Variants in RANBP2 observed in about 807,000 individuals in gnomAD.
The protein encoded by RANBP2 is E3 SUMO-protein ligase RanBP2.
Under a neutral mutation model 303.6 loss-of-function variants are expected in RANBP2, and 57 were observed. That is an observed-to-expected ratio of 0.19 (90% CI 0.15 to 0.23). RANBP2 has a LOEUF of 0.23. Ranked by LOEUF, RANBP2 falls within the 10% of genes least tolerant of loss-of-function variation. The probability of loss-of-function intolerance (pLI) is 1.00; values close to 1 mark genes in which losing one functional copy is unlikely to be tolerated. For synonymous variants in RANBP2, 1,167 were observed against 1,301.5 expected (o/e 0.90, Z 2.23); for missense variants, 3,138 against 3,780.8 (o/e 0.83, Z 4.46).
the RANBP2 span, among the ~76,000 whole-genome samples, chr2:109,530,298 G>A: frequency 6.6e-6 from 1 of 152,138 alleles, no homozygotes; most frequent in Non-Finnish European, 1.5e-5. Flanking sequence ...TCACGGCGAC[G>A]TTTGCTGTGA....
the RANBP2 span, among the ~76,000 whole-genome samples, chr2:109,217,600 A>ATAAACAGAATCAGTC: frequency 6.6e-6 from 1 of 152,252 alleles, no homozygotes; most frequent in Non-Finnish European, 1.5e-5. Context: ...TGCATGTGTT[A>ATAAACAGAATCAGTC]TAAACAGAAT....
rs1678249406 is a variant in RANBP2, at chr2:108,781,402, T to C, written c.8733T>C (p.His2911=). 2.5e-6 allele frequency: 4 copies of C among 1,614,120 alleles called. No homozygotes were observed. Among genetic ancestry groups the C allele is most frequent in the Non-Finnish European group, 3.4e-6 (4 of 1,179,980 alleles). The stretch of plus-strand genomic sequence containing the variant: ...AAGTAGTTCATAATGAAGATATCCA[T>C]TTTGAACCAATAGTGTCACTACCAG... ...DEEVVHNEDI[H]FEPIVSLPEV... is the part of the protein sequence containing the mutation. The change falls in exon 26 of 29, where the codon CAT becomes CAC. Residue 2911 remains histidine, a synonymous_variant. Coordinates refer to ENST00000283195, the MANE Select transcript of RANBP2 (RefSeq NM_006267.5).
At chr2:109,263,274 C>T in the RANBP2 span, among the ~76,000 whole-genome samples, 1 of 152,168 alleles carries the variant, frequency 6.6e-6, no homozygotes, top group African/African-American at 2.4e-5. Flanking sequence ...TATCTGTGGT[C>T]ACTTGATTTT....
the RANBP2 span, among the ~76,000 whole-genome samples, chr2:109,534,783 A>AT: frequency 6.6e-6 from 1 of 151,958 alleles, no homozygotes; most frequent in Non-Finnish European, 1.5e-5. Context: ...AAAAAAAAAA[A>AT]AGTTTGGGAG....
chr2:109,734,353 C>T, the RANBP2 span, among the ~76,000 whole-genome samples: 4 of 152,008 alleles, frequency 2.6e-5, no homozygotes, highest in African/African-American at 9.7e-5. Flanking sequence ...ATTTTCTATA[C>T]ACCAGAAGGA....
At chr2:109,505,806 CA>C in the RANBP2 span, among the ~76,000 whole-genome samples, 1 of 152,166 alleles carries the variant, frequency 6.6e-6, no homozygotes, top group African/African-American at 2.4e-5. Flanking sequence ...AGCTGGGTGC[CA>C]AACCTGTACT....
intron 9 of RANBP2, among the ~76,000 whole-genome samples, chr2:108,750,010 G>A (rs1205078001): frequency 1.3e-5 from 2 of 152,226 alleles, no homozygotes; most frequent in African/African-American, 2.4e-5. Context: ...ATTATCCGGG[G>A]GTGGTGGCAT....
chr2:109,133,828 G>A, the RANBP2 span, among the ~76,000 whole-genome samples: 2 of 151,838 alleles, frequency 1.3e-5, no homozygotes, highest in Admixed American at 1.3e-4. Flanking sequence ...GCATAGTTGG[G>A]AATAAGGACA....
At chr2:109,613,959 G>A in the RANBP2 span, 3 of 1,209,800 alleles carry the variant, frequency 2.5e-6, no homozygotes, top group Non-Finnish European at 1.0e-6. Context: ...CTCCGCGACG[G>A]GGAAGGGACA....
chr2:109,101,530 A>AAAAAC, the RANBP2 span, among the ~76,000 whole-genome samples: 2 of 152,306 alleles, frequency 1.3e-5, no homozygotes, highest in Admixed American at 6.5e-5. Flanking sequence ...TCTGTCTCAA[A>AAAAAC]AAAACAAAAC....
chr2:108,947,254 C>T, the RANBP2 span, among the ~76,000 whole-genome samples: 1 of 152,244 alleles, frequency 6.6e-6, no homozygotes. Context: ...TGGCTTTGGA[C>T]AGCTCTGCCT....
At chr2:108,931,019 T>C in the RANBP2 span, 1 of 1,613,868 alleles carries the variant, frequency 6.2e-7, no homozygotes, top group Admixed American at 1.7e-5. Flanking sequence ...GGCCATCCTC[T>C]CCCAAGGGCT....
the RANBP2 span, among the ~76,000 whole-genome samples, chr2:109,058,969 G>A: frequency 6.6e-6 from 1 of 152,218 alleles, no homozygotes; most frequent in African/African-American, 2.4e-5. Context: ...AAGTGGCGGG[G>A]AGACAGGACA....
At chr2:109,271,011 T>A in the RANBP2 span, among the ~76,000 whole-genome samples, 4 of 152,338 alleles carry the variant, frequency 2.6e-5, no homozygotes, top group South Asian at 8.3e-4. Flanking sequence ...TCACCCCTCA[T>A]TGAACATTTA....
chr2:109,633,404 C>CAAAA, the RANBP2 span, among the ~76,000 whole-genome samples: 1 of 149,258 alleles, frequency 6.7e-6, no homozygotes, highest in African/African-American at 2.5e-5. Flanking sequence ...AAAAACAAAA[C>CAAAA]AAAACAAAAC....
At chr2:109,112,208 A>G in the RANBP2 span, among the ~76,000 whole-genome samples, 1 of 151,982 alleles carries the variant, frequency 6.6e-6, no homozygotes, top group African/African-American at 2.4e-5. Flanking sequence ...GAATCGCCAC[A>G]CTGACTTCCA....
chr2:109,511,175 C>T, the RANBP2 span, among the ~76,000 whole-genome samples: 1 of 152,332 alleles, frequency 6.6e-6, no homozygotes, highest in South Asian at 2.1e-4. Flanking sequence ...GCACTCCTAA[C>T]TCCTCAGCCT....
the RANBP2 span, chr2:109,128,986 G>T: frequency 2.4e-6 from 1 of 424,818 alleles, no homozygotes. Context: ...CCCCGCGCAC[G>T]TGCTCGCGGC....
the RANBP2 span, among the ~76,000 whole-genome samples, chr2:109,265,234 A>G: frequency 0.039 from 5,869 of 152,226 alleles, 373 homozygotes; most frequent in African/African-American, 0.13. Context: ...CATTAGGATT[A>G]AAGGGCCAAG....
Sources: allele counts gnomAD v4.1 joint callset (sites outside exome capture counted in the v4.1 genomes callset), GRCh38; gene constraint gnomAD v4.1.1; transcripts MANE v1.5; gene names NCBI Gene and HGNC (gene_info 2026-07-23, HGNC 2026-07-21).